Variants in CD58 observed in about 807,000 individuals in gnomAD.
CD58 encodes lymphocyte function-associated antigen 3.
A neutral mutation model predicts 27.6 loss-of-function variants in CD58; 14 were observed. The observed-to-expected ratio is 0.51, with a 90% confidence interval of 0.34 to 0.79. The LOEUF is 0.79. Ranked by LOEUF, CD58 falls within the 30% of genes least tolerant of loss-of-function variation. The probability of loss-of-function intolerance (pLI) is 0.02; values close to 1 mark genes in which losing one functional copy is unlikely to be tolerated. For synonymous variants in CD58, 117 were observed against 103.8 expected (o/e 1.13, Z -0.77); for missense variants, 268 against 301.7 (o/e 0.89, Z 0.83).
chr1:116,567,591 T>C (rs541697277), intron 1 of CD58, among the ~76,000 whole-genome samples: 9 of 152,136 alleles, frequency 5.9e-5, no homozygotes, highest in Admixed American at 3.3e-4. Context: ...TTAGCTGTGA[T>C]AGCACCCCTG....
chr1:116,533,271 C>A, intron 3 of CD58: 13 of 1,183,482 alleles, frequency 1.1e-5, no homozygotes, highest in Non-Finnish European at 1.6e-5. Flanking sequence ...AGTGCCTGGA[C>A]CCTTACGCTT....
In CD58 at chr1:116,550,376, T is replaced by C. The variant is rs1305028266; in HGVS notation, c.71-5772A>G. 5.3e-5 allele frequency among the ~76,000 whole-genome samples: 8 copies of C among 152,204 alleles called. No individual in the cohort carries two copies. The highest frequency in any genetic ancestry group is 1.0e-4 in the Non-Finnish European group (7 of 68,032). On this transcript the variant is annotated intron_variant, in intron 1 of 5. Transcript: ENST00000369489. This position sits in a 1 kb window ranked among gnomAD's most constrained non-coding sequence, Gnocchi z 4.2. ...TAACCCTTTGTTGTCATTTAAACAATGTTCACAGCATCTTCACCAGGAGTA... is the reference window on the plus strand; with the variant it reads ...TAACCCTTTGTTGTCATTTAAACAACGTTCACAGCATCTTCACCAGGAGTA...
At chr1:116,520,507 CTT>C (rs55881110) in intron 4 of CD58, among the ~76,000 whole-genome samples, 37 of 135,532 alleles carry the variant, frequency 2.7e-4, no homozygotes, top group Admixed American at 3.7e-4. Flanking sequence ...TATTGAATGA[CTT>C]TTTTTTTTTT....
At position 116,528,560 on chromosome 1, in the gene CD58, T is replaced by G. The variant is rs536325527; in HGVS notation, c.629-6577A>C. The stretch of plus-strand genomic sequence containing the variant: ...ATAAATGTGTACAACAGTTGGAAAC[T>G]GGTACTCTAGAGAATATCCTCTTGC... On this transcript the variant is annotated intron_variant, in intron 3 of 5. Coordinates refer to ENST00000369489, the MANE Select transcript of CD58 (RefSeq NM_001779.3). The surrounding 1 kb of genome is among the most constrained non-coding windows in gnomAD (Gnocchi z 4.4). Among the ~76,000 whole-genome samples the G allele has an allele frequency of 2.0e-5, 3 of 152,200 alleles. No individual in the cohort carries two copies. Among genetic ancestry groups the G allele is most frequent in the Admixed American group, 6.5e-5 (1 of 15,286 alleles).
Position 116,521,765 on chromosome 1 carries a change from C to A in CD58, c.706+141G>T. On this transcript the variant is annotated intron_variant, in intron 4 of 5. Coordinates refer to ENST00000369489, the MANE Select transcript of CD58 (RefSeq NM_001779.3). This position sits in a 1 kb window ranked among gnomAD's most constrained non-coding sequence, Gnocchi z 5.6. Reference sequence around the variant, plus strand: ...GAGGAACCTAGCATGCTCAGCAGTCCCACACACGTAAAGCAAAAAAGTTTT... The same window carrying A: ...GAGGAACCTAGCATGCTCAGCAGTCACACACACGTAAAGCAAAAAAGTTTT... The A allele has an allele frequency of 1.6e-6, 1 of 619,580 alleles. No individual in the cohort carries two copies. The highest frequency in any genetic ancestry group is 1.7e-5 in the South Asian group (1 of 58,338). 38.4% of individuals were successfully genotyped at this position (619,580 alleles called of 1,614,324 possible).
rs2101162557 is a variant in CD58 at position 116,527,250 on chromosome 1, T to A, written c.629-5267A>T. Reference sequence around the variant, plus strand: ...GGTGAGAAGAACATTATTTCCTTATTCTTGGTCTTAGTTGGAAAGCTTCAA... The same window carrying A: ...GGTGAGAAGAACATTATTTCCTTATACTTGGTCTTAGTTGGAAAGCTTCAA... On this transcript the variant is annotated intron_variant, in intron 3 of 5. Transcript: ENST00000369489. The surrounding 1 kb of genome is among the most constrained non-coding windows in gnomAD (Gnocchi z 4.4). Among the ~76,000 whole-genome samples the A allele has an allele frequency of 6.6e-6, 1 of 152,358 alleles. No homozygotes were observed. Among genetic ancestry groups the A allele is most frequent in the South Asian group, 2.1e-4 (1 of 4,828 alleles).
rs1657263561 is a variant in CD58 at position 116,521,600 on chromosome 1, G to C, written c.706+306C>G. Among the ~76,000 whole-genome samples the C allele has an allele frequency of 6.6e-6, 1 of 152,128 alleles. No homozygotes were observed. Among genetic ancestry groups the C allele is most frequent in the South Asian group, 2.1e-4 (1 of 4,820 alleles). On this transcript the variant is annotated intron_variant, in intron 4 of 5. Transcript: ENST00000369489. This position sits in a 1 kb window ranked among gnomAD's most constrained non-coding sequence, Gnocchi z 5.6. ...GAGGTCTTTAGCAAACTCTGACTTG[G>C]AGACCAGAAGTTTAACTATATTTTG...
At chr1:116,525,902 C>T (rs1409251244) in intron 3 of CD58, among the ~76,000 whole-genome samples, 13 of 152,280 alleles carry the variant, frequency 8.5e-5, no homozygotes, top group East Asian at 1.9e-4. Flanking sequence ...CCGCCTGCCT[C>T]GGCCTCCCAA....
rs1040537811 is a variant in CD58 at position 116,552,479 on chromosome 1, C to T, written c.71-7875G>A. Among the ~76,000 whole-genome samples, 3 of 152,080 alleles carry T rather than the reference C, an allele frequency of 2.0e-5. No homozygotes were observed. The highest frequency in any genetic ancestry group is 2.1e-4 in the South Asian group (1 of 4,828). Reference sequence around the variant, plus strand: ...GGACTTGCTTAAAGCTGGGTTGTCACGAACCTTCAATTTGTAAAAAGCACA... The same window carrying T: ...GGACTTGCTTAAAGCTGGGTTGTCATGAACCTTCAATTTGTAAAAAGCACA... On this transcript the variant is annotated intron_variant, in intron 1 of 5. Transcript: ENST00000369489. The surrounding 1 kb of genome is among the most constrained non-coding windows in gnomAD (Gnocchi z 4.5).
rs1658168508 is a variant in CD58 at position 116,546,341 on chromosome 1, C to A, written c.71-1737G>T. ...TGTGTTAGTAATTTCAGATAAGAAGCAAATATCACCCATTTGTTTATCTAC... is the reference window on the plus strand; with the variant it reads ...TGTGTTAGTAATTTCAGATAAGAAGAAAATATCACCCATTTGTTTATCTAC... On this transcript the variant is annotated intron_variant, in intron 1 of 5. Transcript: ENST00000369489. The surrounding 1 kb of genome is among the most constrained non-coding windows in gnomAD (Gnocchi z 4.1). Among the ~76,000 whole-genome samples, 1 of 152,156 alleles carries A rather than the reference C, an allele frequency of 6.6e-6. No homozygotes were observed. The highest frequency in any genetic ancestry group is 6.5e-5 in the Admixed American group (1 of 15,282).
chr1:116,527,107 T>C lies in CD58; in HGVS notation c.629-5124A>G, dbSNP rs925005854. 4.6e-5 allele frequency among the ~76,000 whole-genome samples: 7 copies of C among 152,226 alleles called. No homozygotes were observed. Among genetic ancestry groups the C allele is most frequent in the African/African-American group, 1.7e-4 (7 of 41,456 alleles). On this transcript the variant is annotated intron_variant, in intron 3 of 5. Coordinates refer to ENST00000369489, the MANE Select transcript of CD58 (RefSeq NM_001779.3). The surrounding 1 kb of genome is among the most constrained non-coding windows in gnomAD (Gnocchi z 4.4). The stretch of plus-strand genomic sequence containing the variant: ...TCGTTTGGATTGTATACATAGATAT[T>C]CATGTCATCTGAGAACTAAAACAAT...
At chr1:116,565,959 C>T (rs767321064) in intron 1 of CD58, among the ~76,000 whole-genome samples, 2 of 152,084 alleles carry the variant, frequency 1.3e-5, no homozygotes, top group African/African-American at 2.4e-5. Flanking sequence ...CCTTGTGATC[C>T]GCCCGCCTTG....
At chr1:116,520,442 A>AT (rs1640209953) in intron 4 of CD58, among the ~76,000 whole-genome samples, 1 of 150,366 alleles carries the variant, frequency 6.7e-6, no homozygotes, top group South Asian at 2.1e-4. Flanking sequence ...TTAAGAACAA[A>AT]TTTTTTCAGA....
rs1251265535 is a variant in CD58 at position 116,527,139 on chromosome 1, T to G, written c.629-5156A>C. On this transcript the variant is annotated intron_variant, in intron 3 of 5. Coordinates refer to ENST00000369489, the MANE Select transcript of CD58 (RefSeq NM_001779.3). This position sits in a 1 kb window ranked among gnomAD's most constrained non-coding sequence, Gnocchi z 4.4. ...ATCTGAGAACTAAAACAATTTTCTTTCTTTCTTCTCATCTGTATAACTTTT... is the reference window on the plus strand; with the variant it reads ...ATCTGAGAACTAAAACAATTTTCTTGCTTTCTTCTCATCTGTATAACTTTT... Among the ~76,000 whole-genome samples, 2 of 152,234 alleles carry G rather than the reference T, an allele frequency of 1.3e-5. No homozygotes were observed. Among genetic ancestry groups the G allele is most frequent in the Non-Finnish European group, 2.9e-5 (2 of 68,036 alleles).
intron 1 of CD58, among the ~76,000 whole-genome samples, chr1:116,553,068 C>A (rs887494411): frequency 6.6e-6 from 1 of 151,824 alleles, no homozygotes. Context: ...ATTTTCCCAA[C>A]CTTTAAAAAT....
At position 116,519,305 on chromosome 1, in the gene CD58, G is replaced by A. The variant is rs1557831569; in HGVS notation, c.707-38C>T. On this transcript the variant is annotated intron_variant, in intron 4 of 5. Transcript: ENST00000369489. This position sits in a 1 kb window ranked among gnomAD's most constrained non-coding sequence, Gnocchi z 4.7. ...AAATTGTCTTCTCAATTAAAGAACT[G>A]AAAAGAAAAGGTGAAATGTGGAGTT... is the stretch of plus-strand genomic sequence containing the variant. The A allele has an allele frequency of 1.3e-6, 2 of 1,587,128 alleles. No individual in the cohort carries two copies. Among genetic ancestry groups the A allele is most frequent in the Non-Finnish European group, 1.7e-6 (2 of 1,160,326 alleles).
At chr1:116,566,182 A>T (rs1465054709) in intron 1 of CD58, among the ~76,000 whole-genome samples, 4 of 152,236 alleles carry the variant, frequency 2.6e-5, no homozygotes, top group Non-Finnish European at 4.4e-5. Context: ...AACTGTAAAG[A>T]AATCTTTAAC....
intron 3 of CD58, chr1:116,533,951 C>G: frequency 7.0e-7 from 1 of 1,427,064 alleles, no homozygotes; most frequent in South Asian, 1.2e-5. Context: ...GTGTGAGGGG[C>G]ATTGTCAAGT....
chr1:116,522,013 C>A lies in CD58; in HGVS notation c.629-30G>T, dbSNP rs1247712546. 1 of 1,204,002 alleles carries A rather than the reference C, an allele frequency of 8.3e-7. No homozygotes were observed. Among genetic ancestry groups the A allele is most frequent in the Non-Finnish European group, 1.2e-6 (1 of 829,474 alleles). The allele number at this position is 1,204,002 out of a possible 1,614,324, so 74.6% of individuals were successfully genotyped here. A position where few individuals can be genotyped will look rare whatever the true frequency, so the allele number is the denominator to read the frequency against. ...AAAAAAGAAAAGAAAAGAAATTCAA[C>A]TAGTTGAACTGATCAAAATGGATCC... On this transcript the variant is annotated intron_variant, in intron 3 of 5. Coordinates refer to ENST00000369489, the MANE Select transcript of CD58 (RefSeq NM_001779.3). The surrounding 1 kb of genome is among the most constrained non-coding windows in gnomAD (Gnocchi z 4.6).
Sources: allele counts gnomAD v4.1 joint callset (sites outside exome capture counted in the v4.1 genomes callset), GRCh38; gene constraint gnomAD v4.1.1; non-coding constraint Gnocchi (gnomAD v3.1); transcripts MANE v1.5; gene names NCBI Gene and HGNC (gene_info 2026-07-23, HGNC 2026-07-21).